ZBTB20: variants seen among roughly 807,000 people sequenced by gnomAD.
ZBTB20 encodes zinc finger and BTB domain containing 20.
A neutral mutation model predicts 56.9 loss-of-function variants in ZBTB20; 9 were observed. The ratio of observed to expected loss-of-function variants is 0.16; its 90% CI spans 0.10 to 0.28. The LOEUF (loss-of-function observed/expected upper bound fraction) is 0.28. Ranked by LOEUF, ZBTB20 falls within the 10% of genes least tolerant of loss-of-function variation. ZBTB20 has a pLI of 1.00. For missense variants in ZBTB20, 655 were observed against 1,003.0 expected (o/e 0.65, Z 4.69); for synonymous variants, 417 against 420.7 (o/e 0.99, Z 0.11).
intron 7 of ZBTB20, among the ~76,000 whole-genome samples, chr3:114,459,585 T>A (rs2092228053): frequency 6.6e-6 from 1 of 152,116 alleles, no homozygotes; most frequent in Non-Finnish European, 1.5e-5. Context: ...TGGTAGATGA[T>A]CTCCCAGAAA....
chr3:115,099,162 A>C (rs1009490745), intron 1 of ZBTB20, among the ~76,000 whole-genome samples: 5 of 152,174 alleles, frequency 3.3e-5, no homozygotes, highest in Non-Finnish European at 7.4e-5. Context: ...TATAAAAAAG[A>C]AAAAAAGAAA....
chr3:114,875,781 G>T (rs191414566), intron 4 of ZBTB20, among the ~76,000 whole-genome samples: 1 of 152,208 alleles, frequency 6.6e-6, no homozygotes, highest in Non-Finnish European at 1.5e-5. Context: ...AATAACACCA[G>T]TTCTGCTACC....
chr3:114,492,316 C>T (rs550362690), intron 7 of ZBTB20, among the ~76,000 whole-genome samples: 12 of 152,288 alleles, frequency 7.9e-5, no homozygotes, highest in African/African-American at 2.6e-4. Flanking sequence ...AATATGCTCA[C>T]TATGTATCTA....
chr3:114,463,848 T>C (rs536627946), intron 7 of ZBTB20, among the ~76,000 whole-genome samples: 6 of 152,310 alleles, frequency 3.9e-5, no homozygotes, highest in East Asian at 1.9e-4. Context: ...TCATAATGCA[T>C]TGTTGCTATT....
chr3:114,712,285 C>G (rs2064135339), intron 5 of ZBTB20, among the ~76,000 whole-genome samples: 1 of 152,082 alleles, frequency 6.6e-6, no homozygotes, highest in Non-Finnish European at 1.5e-5. Flanking sequence ...AAACTTAATG[C>G]ATGAAAATCT....
chr3:114,906,454 G>A (rs2075320664), intron 3 of ZBTB20, among the ~76,000 whole-genome samples: 1 of 151,550 alleles, frequency 6.6e-6, no homozygotes, highest in African/African-American at 2.4e-5. Flanking sequence ...CTTTCAATTA[G>A]AAGTTTTGAG....
intron 6 of ZBTB20, among the ~76,000 whole-genome samples, chr3:114,674,509 C>T (rs1250280028): frequency 6.6e-6 from 1 of 152,130 alleles, no homozygotes; most frequent in East Asian, 1.9e-4. Context: ...TGGTACCTTG[C>T]TCTATTTTTA....
At chr3:114,890,199 C>T (rs755383138) in intron 4 of ZBTB20, among the ~76,000 whole-genome samples, 1 of 152,052 alleles carries the variant, frequency 6.6e-6, no homozygotes, top group Non-Finnish European at 1.5e-5. Context: ...ATAGAAATTC[C>T]TCCAAGCCAG....
chr3:114,552,905 A>G (rs1442402836), intron 6 of ZBTB20, among the ~76,000 whole-genome samples: 1 of 152,174 alleles, frequency 6.6e-6, no homozygotes, highest in East Asian at 1.9e-4. Flanking sequence ...CTTCAGAATT[A>G]TTGTTTTCAA....
At chr3:114,684,042 C>T (rs371928317) in intron 6 of ZBTB20, among the ~76,000 whole-genome samples, 85 of 152,268 alleles carry the variant, frequency 5.6e-4, no homozygotes, top group East Asian at 4.6e-3. Flanking sequence ...CAAGTTGTCT[C>T]CTCTGACTCC....
In ZBTB20 at chr3:114,332,058, G is replaced by GA. The variant is rs1482359763; in HGVS notation, c.*6946_*6947insT. ...ACTAGTAGAAACAGATGCCCCCAAG[G>GA]TTTTTTTTTTTTTTTTTTTTTTTTT... is the stretch of plus-strand genomic sequence containing the variant. On this transcript the variant is annotated 3_prime_UTR_variant, in exon 12 of 12. Coordinates refer to ENST00000675478, the MANE Select transcript of ZBTB20 (RefSeq NM_001348800.3). 9 of 85,406 alleles carry GA rather than the reference G, an allele frequency of 1.1e-4. No individual in the cohort carries two copies. Among genetic ancestry groups the GA allele is most frequent in the African/African-American group, 3.9e-4 (9 of 22,968 alleles). 5.3% of individuals were successfully genotyped at this position (85,406 alleles called of 1,614,324 possible).
chr3:114,960,437 C>T (rs1422312027), intron 3 of ZBTB20, among the ~76,000 whole-genome samples: 2 of 152,172 alleles, frequency 1.3e-5, no homozygotes, highest in East Asian at 3.8e-4. Context: ...TGGGATGACT[C>T]CCTACGTACT....
intron 6 of ZBTB20, among the ~76,000 whole-genome samples, chr3:114,557,960 C>A (rs1376232894): frequency 6.6e-6 from 1 of 152,024 alleles, no homozygotes; most frequent in Non-Finnish European, 1.5e-5. Flanking sequence ...TTCCTTCAAG[C>A]AATACTGGTG....
rs180761173 is a variant in ZBTB20 at position 114,537,622 on chromosome 3, G to A, written c.-294-37231C>T. 3.7e-3 allele frequency among the ~76,000 whole-genome samples: 557 copies of A among 152,110 alleles called. 2 individuals are homozygous for A. Among genetic ancestry groups the A allele is most frequent in the Admixed American group, 8.9e-3 (136 of 15,278 alleles). On this transcript the variant is annotated intron_variant, in intron 6 of 11. Coordinates refer to ENST00000675478, the MANE Select transcript of ZBTB20 (RefSeq NM_001348800.3). ...AACCAAAAATACCATTTGACCCAGCGATCCCATTACTGAGTACATACCCAA... is the reference window on the plus strand; with the variant it reads ...AACCAAAAATACCATTTGACCCAGCAATCCCATTACTGAGTACATACCCAA...
At chr3:114,600,061 C>G in intron 6 of ZBTB20, among the ~76,000 whole-genome samples, 1 of 151,938 alleles carries the variant, frequency 6.6e-6, no homozygotes, top group East Asian at 1.9e-4. Context: ...TCTTGAGGAC[C>G]AGTTGAGATA....
intron 6 of ZBTB20, chr3:114,502,932 T>C (rs1395170285): frequency 6.6e-5 from 10 of 152,172 alleles, no homozygotes; most frequent in Admixed American, 6.5e-4. Context: ...ATTTTTCTGT[T>C]GCATGTTATA....
Position 114,577,310 on chromosome 3 carries a change from A to G in ZBTB20, c.-294-76919T>C, listed in dbSNP as rs115345555. Reference sequence around the variant, plus strand: ...AAAATGGTGCTGATAGATTTTCTCAATGCAGAGTTGCCACAAGCCTTCAGT... The same window carrying G: ...AAAATGGTGCTGATAGATTTTCTCAGTGCAGAGTTGCCACAAGCCTTCAGT... On this transcript the variant is annotated intron_variant, in intron 6 of 11. Coordinates refer to ENST00000675478, the MANE Select transcript of ZBTB20 (RefSeq NM_001348800.3). Among the ~76,000 whole-genome samples the G allele has an allele frequency of 3.8e-3, 579 of 152,314 alleles. 4 individuals carry two copies. The highest frequency in any genetic ancestry group is 0.013 in the African/African-American group (547 of 41,574).
At chr3:114,528,605 A>G (rs545085950) in intron 6 of ZBTB20, 1 of 152,308 alleles carries the variant, frequency 6.6e-6, no homozygotes, top group East Asian at 1.9e-4. Flanking sequence ...AGGTTTAAAA[A>G]TGCTCAAACT....
rs372254905 is a variant in ZBTB20, at chr3:114,360,400, G to A, written c.200-8522C>T. ...GTTCTGTCCCCTAGGCTGGAGTGCAGTGGCGCGATCTCCAGCTCACTGCAA... is the reference window on the plus strand; with the variant it reads ...GTTCTGTCCCCTAGGCTGGAGTGCAATGGCGCGATCTCCAGCTCACTGCAA... On this transcript the variant is annotated intron_variant, in intron 10 of 11. Transcript: ENST00000675478. Among the ~76,000 whole-genome samples the A allele has an allele frequency of 3.2e-4, 47 of 147,942 alleles. No individual in the cohort carries two copies. The East Asian group carries it at 4.6e-3, about 14-fold the overall frequency.
Sources: allele counts gnomAD v4.1 joint callset (sites outside exome capture counted in the v4.1 genomes callset), GRCh38; gene constraint gnomAD v4.1.1; transcripts MANE v1.5; gene names NCBI Gene and HGNC (gene_info 2026-07-23, HGNC 2026-07-21).